The following HIVEP2 variants were observed in gnomAD, a reference collection of about 807,000 sequenced individuals.
The protein encoded by HIVEP2 is HIVEP zinc finger 2, also known as transcription factor HIVEP2.
HIVEP2 carries 14 observed loss-of-function variants against 180.7 expected under a neutral mutation model. That is an observed-to-expected ratio of 0.08 (90% CI 0.05 to 0.12). The LOEUF is 0.12. Among genes scored for constraint, HIVEP2 ranks in the 10% least tolerant of loss-of-function variants. The pLI, the probability that HIVEP2 is intolerant of heterozygous loss-of-function variation, is 1.00. For synonymous variants in HIVEP2, 1,184 were observed against 1,136.4 expected (o/e 1.04, Z -0.84); for missense variants, 2,579 against 3,008.5 (o/e 0.86, Z 3.34).
chr6:142,840,560 G>T (rs2114891803), intron 1 of HIVEP2, among the ~76,000 whole-genome samples: 1 of 152,044 alleles, frequency 6.6e-6, no homozygotes, highest in Non-Finnish European at 1.5e-5. Flanking sequence ...ATATAATTGT[G>T]TATTCTGATT....
At chr6:142,907,340 C>T (rs916430968) in intron 1 of HIVEP2, among the ~76,000 whole-genome samples, 3 of 152,032 alleles carry the variant, frequency 2.0e-5, no homozygotes, top group African/African-American at 4.8e-5. Flanking sequence ...CTGCTGCTTT[C>T]CCCGGGTTGT....
chr6:142,914,977 C>T (rs1777514125), intron 1 of HIVEP2, among the ~76,000 whole-genome samples: 1 of 152,134 alleles, frequency 6.6e-6, no homozygotes. Context: ...CTGTTTTTCC[C>T]CACTATTTCT....
intron 1 of HIVEP2, among the ~76,000 whole-genome samples, chr6:142,940,862 T>G (rs1180006799): frequency 2.0e-5 from 3 of 152,228 alleles, no homozygotes; most frequent in African/African-American, 7.2e-5. Context: ...TCCATCACTC[T>G]GTGACCCAGA....
chr6:142,800,969 C>T (rs1037701668), intron 2 of HIVEP2, among the ~76,000 whole-genome samples: 3 of 151,958 alleles, frequency 2.0e-5, no homozygotes, highest in African/African-American at 7.3e-5. Context: ...TGATAACTGG[C>T]AGAAACCTCT....
In HIVEP2 at chr6:142,774,708, T is replaced by G. The variant is rs564337424; in HGVS notation, c.31A>C (p.Lys11Gln). The G allele has an allele frequency of 4.3e-6, 7 of 1,614,226 alleles. No homozygotes were observed. In the East Asian group the frequency reaches 1.6e-4, roughly 36 times the overall value. The stretch of plus-strand genomic sequence containing the variant: ...GTTTCTCCAGACCTTGAGGTAGCTT[T>G]TTGTCCTAGAGCTGTGTCCCCAGTG... MDTGDTALGQ[K>Q]ATSRSGETDK... Residue 11 changes from lysine to glutamine, a missense_variant, in exon 5 of 10, where the codon AAA becomes CAA. By Grantham distance (53) the Lys-to-Gln change is moderately conservative (BLOSUM62 1). Coordinates refer to ENST00000367603, the MANE Select transcript of HIVEP2 (RefSeq NM_006734.4). This position sits in a 1 kb window ranked among gnomAD's most constrained non-coding sequence, Gnocchi z 5.1.
chr6:142,874,269 G>T (rs1425631698), intron 1 of HIVEP2, among the ~76,000 whole-genome samples: 1 of 152,006 alleles, frequency 6.6e-6, no homozygotes, highest in Non-Finnish European at 1.5e-5. Context: ...AAAACTTTTG[G>T]TAAGGTTGCT....
chr6:142,791,946 A>G (rs1776148265), intron 2 of HIVEP2, among the ~76,000 whole-genome samples: 3 of 152,312 alleles, frequency 2.0e-5, no homozygotes, highest in Admixed American at 6.5e-5. Flanking sequence ...ATTGCTTAGA[A>G]ATGCTGCATT....
At chr6:142,843,223 C>A (rs1318953986) in intron 1 of HIVEP2, among the ~76,000 whole-genome samples, 2 of 152,168 alleles carry the variant, frequency 1.3e-5, no homozygotes, top group East Asian at 3.8e-4. Flanking sequence ...CTTTGAGAAG[C>A]AAGACTGTAG....
Position 142,771,616 on chromosome 6 carries a change from C to A in HIVEP2, c.3123G>T (p.Ala1041=), listed in dbSNP as rs766676675. ...ATTTGCTCCGAACTTCTGGGACTTC[C>A]GCTGGGTGAGGACAAGGCATCTGCT... The part of the protein sequence containing the change: ...SSEQMPCPHP[A]EVPEVRSKSF... The change falls in exon 5 of 10, where the codon GCG becomes GCT. Residue 1041 remains alanine (A), a synonymous_variant. Coordinates refer to ENST00000367603, the MANE Select transcript of HIVEP2 (RefSeq NM_006734.4). This position sits in a 1 kb window ranked among gnomAD's most constrained non-coding sequence, Gnocchi z 5.4. 1.2e-6 allele frequency: 2 copies of A among 1,613,994 alleles called. No individual in the cohort carries two copies. The highest frequency in any genetic ancestry group is 1.7e-6 in the Non-Finnish European group (2 of 1,180,036).
In HIVEP2 at chr6:142,771,412, C is replaced by T; in HGVS notation, c.3327G>A (p.Glu1109=). Residue 1109 remains glutamate, a synonymous_variant, in exon 5 of 10, where the codon GAG becomes GAA. Coordinates refer to ENST00000367603, the MANE Select transcript of HIVEP2 (RefSeq NM_006734.4). This position sits in a 1 kb window ranked among gnomAD's most constrained non-coding sequence, Gnocchi z 5.4. The part of the protein sequence containing the change: ...MDQSVKQEQL[E]HLHAGLRSGW... ...CGGACCGGAGGCCAGCATGCAGGTG[C>T]TCCAGCTGCTCTTGCTTCACGCTCT... 6.2e-7 allele frequency: 1 copy of T among 1,613,426 alleles called. No homozygotes were observed. Among genetic ancestry groups the T allele is most frequent in the Non-Finnish European group, 8.5e-7 (1 of 1,180,008 alleles).
intron 2 of HIVEP2, among the ~76,000 whole-genome samples, chr6:142,818,719 GA>G (rs746465375): frequency 0.097 from 4,137 of 42,528 alleles, 178 homozygotes; most frequent in Middle Eastern, 0.12. Flanking sequence ...AAGAAAGAAA[GA>G]AAAGAAAGAA....
intron 1 of HIVEP2, among the ~76,000 whole-genome samples, chr6:142,944,518 G>A (rs1266628319): frequency 6.6e-6 from 1 of 152,074 alleles, no homozygotes; most frequent in Non-Finnish European, 1.5e-5. Context: ...AAAGGCGGGG[G>A]GTGGGGGTGA....
chr6:142,902,831 A>G (rs1021508670), intron 1 of HIVEP2, among the ~76,000 whole-genome samples: 2 of 152,220 alleles, frequency 1.3e-5, no homozygotes, highest in Non-Finnish European at 2.9e-5. Context: ...GCTTGTGGAC[A>G]GGCATTCCCC....
chr6:142,932,472 A>T (rs900223101), intron 1 of HIVEP2, among the ~76,000 whole-genome samples: 3 of 152,066 alleles, frequency 2.0e-5, no homozygotes, highest in South Asian at 2.1e-4. Flanking sequence ...AGGAGTTATT[A>T]AAAAAAACTC....
At chr6:142,896,815 T>C (rs1385311489) in intron 1 of HIVEP2, among the ~76,000 whole-genome samples, 2 of 152,196 alleles carry the variant, frequency 1.3e-5, no homozygotes, top group Non-Finnish European at 2.9e-5. Flanking sequence ...TTCCTCTATA[T>C]CATCTACATT....
intron 4 of HIVEP2, among the ~76,000 whole-genome samples, chr6:142,775,539 A>C (rs1049620205): frequency 1.3e-5 from 2 of 152,150 alleles, no homozygotes; most frequent in African/African-American, 4.8e-5. Flanking sequence ...TTTATAGCTT[A>C]ATACAAACAA....
intron 1 of HIVEP2, among the ~76,000 whole-genome samples, chr6:142,871,031 A>C (rs1776279338): frequency 6.6e-6 from 1 of 152,198 alleles, no homozygotes; most frequent in Admixed American, 6.5e-5. Context: ...TGAAAGCGGG[A>C]CCAGTGAAAC....
At chr6:142,809,094 G>A (rs1042035930) in intron 2 of HIVEP2, among the ~76,000 whole-genome samples, 12 of 151,998 alleles carry the variant, frequency 7.9e-5, no homozygotes, top group Non-Finnish European at 1.6e-4. Flanking sequence ...GGTATGCCCA[G>A]CAGCAGGCAG....
rs1463677053 is a variant in HIVEP2, at chr6:142,775,071, T to C, written c.-333A>G. ...GGATGATGAATAGTCTAGGAGAAAT[T>C]TTGCCCATCAACTAGAGCAAAGTTC... On this transcript the variant is annotated 5_prime_UTR_variant, in exon 5 of 10. Transcript: ENST00000367603. The C allele has an allele frequency of 5.7e-6, 6 of 1,046,136 alleles. No individual in the cohort carries two copies. The highest frequency in any genetic ancestry group is 1.0e-4 in the Admixed American group (2 of 19,570). The allele number at this position is 1,046,136 out of a possible 1,614,324, so 64.8% of individuals were successfully genotyped here. A position where few individuals can be genotyped will look rare whatever the true frequency, so the allele number is the denominator to read the frequency against.
Sources: allele counts gnomAD v4.1 joint callset (sites outside exome capture counted in the v4.1 genomes callset), GRCh38; gene constraint gnomAD v4.1.1; non-coding constraint Gnocchi (gnomAD v3.1); transcripts MANE v1.5; gene names NCBI Gene and HGNC (gene_info 2026-07-23, HGNC 2026-07-21).